The following DIAPH2 variants were observed in gnomAD, a reference collection of about 807,000 sequenced individuals.
The protein encoded by DIAPH2 is diaphanous related formin 2, also known as protein diaphanous homolog 2.
Under a neutral mutation model 92.7 loss-of-function variants are expected in DIAPH2, and 35 were observed. That is an observed-to-expected ratio of 0.38 (90% CI 0.29 to 0.50). The LOEUF (loss-of-function observed/expected upper bound fraction) is 0.50. DIAPH2 is among the 20% of genes least tolerant of loss of function. The pLI is 0.94. For synonymous variants in DIAPH2, 301 were observed against 280.4 expected, an observed-to-expected ratio of 1.07 and a Z score of -0.73; for missense variants, 701 against 819.5, an observed-to-expected ratio of 0.86 and a Z score of 1.77.
chrX:96,894,974 A>ATTTTTTTTTTTTTT (rs766131166), intron 5 of DIAPH2, among the ~76,000 whole-genome samples: 4 of 59,536 alleles, frequency 6.7e-5, no homozygotes, highest in African/African-American at 1.2e-4. Context: ...GTTTTTCTTA[A>ATTTTTTTTTTTTTT]TTTTTTTTTT....
intron 1 of DIAPH2, among the ~76,000 whole-genome samples, chrX:96,733,520 A>G (rs1037648395): frequency 5.4e-4 from 60 of 111,345 alleles, no homozygotes; most frequent in African/African-American, 1.9e-3. Flanking sequence ...GAGAGTGTAT[A>G]GATCAGTAGG....
chrX:96,934,976 C>G (rs2147797251), intron 10 of DIAPH2, among the ~76,000 whole-genome samples: 1 of 111,786 alleles, frequency 8.9e-6, no homozygotes, highest in East Asian at 2.8e-4. Context: ...GGTTGTTTGA[C>G]TGTTAATCAG....
intron 22 of DIAPH2, among the ~76,000 whole-genome samples, chrX:97,246,618 AAC>A (rs2068144752): frequency 8.9e-6 from 1 of 112,660 alleles, no homozygotes; most frequent in African/African-American, 3.2e-5. Flanking sequence ...TTTGTATCTG[AAC>A]AGTTTGGCTG....
intron 24 of DIAPH2, among the ~76,000 whole-genome samples, chrX:97,372,985 A>C (rs1046137621): frequency 4.5e-5 from 5 of 111,401 alleles, no homozygotes; most frequent in Non-Finnish European, 9.4e-5. Flanking sequence ...CTCAAAAAAA[A>C]AAAAGAAAGA....
chrX:97,249,688 T>C (rs1446615987), intron 23 of DIAPH2, among the ~76,000 whole-genome samples: 1 of 112,051 alleles, frequency 8.9e-6, no homozygotes. Context: ...ACGAAATGCG[T>C]AATCATTATA....
rs1445513750 is a variant in DIAPH2 at position 97,005,080 on chromosome X, C to G, written c.2050+39873C>G. On this transcript the variant is annotated intron_variant, in intron 17 of 26. Transcript: ENST00000324765. ...AATAATAAGGCTTTTATCCTTTATT[C>G]TGTTGATATGTTACATCACATTGAT... is the stretch of plus-strand genomic sequence containing the variant. 5.4e-5 allele frequency among the ~76,000 whole-genome samples: 6 copies of G among 111,726 alleles called. No individual in the cohort carries two copies. In the East Asian group the frequency reaches 1.7e-3, roughly 31 times the overall value.
At chrX:97,234,166 A>C (rs1229394460) in intron 22 of DIAPH2, among the ~76,000 whole-genome samples, 1 of 67,842 alleles carries the variant, frequency 1.5e-5, no homozygotes, top group Admixed American at 1.7e-4. Flanking sequence ...TCTACTAAAA[A>C]TACAAAAAAA....
intron 22 of DIAPH2, among the ~76,000 whole-genome samples, chrX:97,167,623 C>T (rs983043157): frequency 9.0e-6 from 1 of 111,698 alleles, no homozygotes; most frequent in Non-Finnish European, 1.9e-5. Flanking sequence ...AGGTTAGAAT[C>T]ATTAGGTCAT....
intron 22 of DIAPH2, among the ~76,000 whole-genome samples, chrX:97,170,937 T>C (rs912895659): frequency 3.6e-5 from 4 of 110,525 alleles, no homozygotes; most frequent in African/African-American, 1.3e-4. Flanking sequence ...AGTGCAGTGG[T>C]GCGATCTTAG....
chrX:96,952,426 C>G (rs986349597), intron 15 of DIAPH2, among the ~76,000 whole-genome samples: 1 of 111,930 alleles, frequency 8.9e-6, no homozygotes, highest in African/African-American at 3.3e-5. Flanking sequence ...CAAACATTTG[C>G]TTCAGCTTAC....
Position 96,965,182 on chromosome X carries a change from A to C in DIAPH2, c.2025A>C (p.Ala675=), listed in dbSNP as rs747818547. The change falls in exon 17 of 27, where the codon GCA becomes GCC. Residue 675 remains alanine, a synonymous_variant. Coordinates refer to ENST00000324765, the MANE Select transcript of DIAPH2 (RefSeq NM_006729.5). ...ATCCAGATCTCTTTGCCAAATTGGC[A>C]TTGAATTTTGCTACTCAGATAAAAG... ...FENPDLFAKL[A]LNFATQIKVQ... 2 of 1,193,939 alleles carry C rather than the reference A, an allele frequency of 1.7e-6. No homozygotes were observed. Among genetic ancestry groups the C allele is most frequent in the Non-Finnish European group, 2.3e-6 (2 of 885,861 alleles).
chrX:96,910,290 G>A (rs902615737), intron 5 of DIAPH2, among the ~76,000 whole-genome samples: 1 of 111,372 alleles, frequency 9.0e-6, no homozygotes, highest in Non-Finnish European at 1.9e-5. Flanking sequence ...GTAGCTTGTT[G>A]CCAATTATCA....
At chrX:97,301,314 C>A (rs147849655) in intron 23 of DIAPH2, among the ~76,000 whole-genome samples, 1 of 110,369 alleles carries the variant, frequency 9.1e-6, no homozygotes, top group African/African-American at 3.3e-5. Context: ...ACATTTAAAC[C>A]AAATATTTGT....
chrX:97,500,265 TCTGAG>T (rs1240888785), intron 26 of DIAPH2, among the ~76,000 whole-genome samples: 1 of 111,523 alleles, frequency 9.0e-6, no homozygotes, highest in African/African-American at 3.3e-5. Context: ...CCTTTCACCT[TCTGAG>T]CTCTGAAAGC....
intron 22 of DIAPH2, among the ~76,000 whole-genome samples, chrX:97,199,513 G>A (rs1397265324): frequency 9.0e-6 from 1 of 111,383 alleles, no homozygotes; most frequent in Admixed American, 9.6e-5. Flanking sequence ...TTTACATCAT[G>A]TTCCTTGCTT....
chrX:96,780,223 A>C (rs1299108431), intron 4 of DIAPH2, among the ~76,000 whole-genome samples: 1 of 112,083 alleles, frequency 8.9e-6, no homozygotes, highest in Non-Finnish European at 1.9e-5. Context: ...ATGTTTATTC[A>C]AATAGTCTCA....
At chrX:97,563,482 T>A (rs908711097) in intron 26 of DIAPH2, among the ~76,000 whole-genome samples, 1 of 111,872 alleles carries the variant, frequency 8.9e-6, no homozygotes, top group East Asian at 2.8e-4. Context: ...TGGCAGATAA[T>A]TTTACACTTA....
At chrX:97,100,704 C>G (rs767401373) in intron 20 of DIAPH2, among the ~76,000 whole-genome samples, 11 of 111,622 alleles carry the variant, frequency 9.9e-5, no homozygotes, top group Non-Finnish European at 1.9e-4. Context: ...ACCTAATAGT[C>G]AAACATTTTC....
intron 25 of DIAPH2, among the ~76,000 whole-genome samples, chrX:97,388,932 C>G (rs2069627074): frequency 9.0e-6 from 1 of 111,655 alleles, no homozygotes; most frequent in South Asian, 3.8e-4. Context: ...AATAAGACAG[C>G]TTGATTCTCA....
Sources: gnomAD v4.1 joint callset for allele counts (sites outside exome capture counted in the v4.1 genomes callset) on GRCh38, gnomAD v4.1.1 for gene constraint, MANE v1.5 for transcripts, NCBI Gene and HGNC (gene_info 2026-07-23, HGNC 2026-07-21) for gene names.